Variants in SLC9A9 observed in about 807,000 individuals in gnomAD.
The protein encoded by SLC9A9 is solute carrier family 9 member A9, also known as sodium/hydrogen exchanger 9.
In SLC9A9, 62 loss-of-function variants were observed where a neutral mutation model predicts 77.8. That is an observed-to-expected ratio of 0.80 (90% confidence interval 0.65 to 0.98). SLC9A9 has a LOEUF of 0.98. Ranked by LOEUF, SLC9A9 falls within the 50% of genes least tolerant of loss-of-function variation. The probability of loss-of-function intolerance (pLI) is 0.00; values close to 1 mark genes in which losing one functional copy is unlikely to be tolerated. For synonymous variants in SLC9A9, 320 were observed against 283.5 expected, an observed-to-expected ratio of 1.13 and a Z score of -1.29; for missense variants, 775 against 774.9, an observed-to-expected ratio of 1.00 and a Z score of 0.00.
chr3:143,461,379 T>C (rs2108564529), intron 12 of SLC9A9, among the ~76,000 whole-genome samples: 1 of 152,310 alleles, frequency 6.6e-6, no homozygotes, highest in East Asian at 1.9e-4. Flanking sequence ...TTCATAAATA[T>C]AATTAATTAA....
chr3:143,390,653 G>A (rs374555695), intron 12 of SLC9A9, among the ~76,000 whole-genome samples: 2 of 152,220 alleles, frequency 1.3e-5, no homozygotes, highest in Admixed American at 6.5e-5. Context: ...AGGGCGAGGC[G>A]TCGCCTCACC....
intron 9 of SLC9A9, among the ~76,000 whole-genome samples, chr3:143,495,994 A>G (rs1417809742): frequency 6.6e-6 from 1 of 152,240 alleles, no homozygotes; most frequent in African/African-American, 2.4e-5. Context: ...AGTGATCGGT[A>G]TATTTCAAAT....
chr3:143,762,089 G>A (rs2007145576), intron 4 of SLC9A9, among the ~76,000 whole-genome samples: 1 of 152,086 alleles, frequency 6.6e-6, no homozygotes, highest in African/African-American at 2.4e-5. Context: ...ACTATTGCAA[G>A]GACAAAAAAC....
chr3:143,679,089 G>A (rs886087839), intron 5 of SLC9A9, among the ~76,000 whole-genome samples: 11 of 147,382 alleles, frequency 7.5e-5, no homozygotes, highest in African/African-American at 2.7e-4. Flanking sequence ...TCTGGCAATG[G>A]GCGGCTACAC....
At chr3:143,588,824 T>C (rs1339257523) in intron 6 of SLC9A9, among the ~76,000 whole-genome samples, 5 of 152,252 alleles carry the variant, frequency 3.3e-5, no homozygotes, top group Non-Finnish European at 7.3e-5. Flanking sequence ...ATCCCACTAC[T>C]GTGGGCCTAT....
intron 4 of SLC9A9, among the ~76,000 whole-genome samples, chr3:143,705,005 A>ATCTG (rs767636312): frequency 7.3e-6 from 1 of 137,292 alleles, no homozygotes; most frequent in Admixed American, 7.4e-5. Context: ...ATATCTATCT[A>ATCTG]TCTATCTATC....
intron 14 of SLC9A9, among the ~76,000 whole-genome samples, chr3:143,285,949 T>G (rs1011448655): frequency 6.6e-6 from 1 of 152,170 alleles, no homozygotes; most frequent in Non-Finnish European, 1.5e-5. Context: ...GCCGGGTGTT[T>G]TGAGCATTTT....
intron 12 of SLC9A9, among the ~76,000 whole-genome samples, chr3:143,414,450 G>A (rs1015306629): frequency 1.3e-5 from 2 of 152,274 alleles, no homozygotes; most frequent in East Asian, 1.9e-4. Context: ...AAATCTACTG[G>A]CACAATATTT....
intron 5 of SLC9A9, among the ~76,000 whole-genome samples, chr3:143,669,455 G>A (rs1397986817): frequency 2.0e-5 from 3 of 152,150 alleles, no homozygotes; most frequent in East Asian, 3.9e-4. Flanking sequence ...TGCTTCAAAC[G>A]GTTTTCAGTA....
chr3:143,378,823 A>G (rs9828435), intron 13 of SLC9A9, among the ~76,000 whole-genome samples: 61,576 of 151,974 alleles, frequency 0.41, 12,611 homozygotes, highest in Admixed American at 0.46. Context: ...AGAGTGTGAT[A>G]TCTGCATATG....
intron 12 of SLC9A9, among the ~76,000 whole-genome samples, chr3:143,395,184 C>T (rs1371761624): frequency 3.9e-5 from 6 of 152,176 alleles, no homozygotes; most frequent in Admixed American, 3.3e-4. Flanking sequence ...CATCATGCTA[C>T]ATGACTTCAA....
At chr3:143,538,740 T>C (rs1193436339) in intron 9 of SLC9A9, among the ~76,000 whole-genome samples, 1 of 152,122 alleles carries the variant, frequency 6.6e-6, no homozygotes, top group Admixed American at 6.5e-5. Context: ...GAGCAACATC[T>C]TCAGAAAGAG....
At chr3:143,362,081 G>A (rs1285032072) in intron 14 of SLC9A9, among the ~76,000 whole-genome samples, 2 of 152,094 alleles carry the variant, frequency 1.3e-5, no homozygotes, top group Admixed American at 6.6e-5. Flanking sequence ...GATCAACCAG[G>A]AGCAAAAACC....
chr3:143,712,723 C>T (rs892446502), intron 4 of SLC9A9, among the ~76,000 whole-genome samples: 12 of 152,166 alleles, frequency 7.9e-5, no homozygotes, highest in Non-Finnish European at 1.6e-4. Flanking sequence ...TAGCATTAGC[C>T]ATCTCCCTCA....
rs143198052 is a variant in SLC9A9 at position 143,828,564 on chromosome 3, AAC to A, written c.378+3453_378+3454del. On this transcript the variant is annotated intron_variant, in intron 2 of 15. Transcript: ENST00000316549. ...AAAGAAACAAGCACATACCTACCCC[AAC>A]ACACACACACACACACAGAGAGAGA... is the stretch of plus-strand genomic sequence containing the variant. Among the ~76,000 whole-genome samples, 40 of 150,112 alleles carry A rather than the reference AAC, an allele frequency of 2.7e-4. No individual in the cohort carries two copies. In the East Asian group the frequency reaches 4.1e-3, roughly 15 times the overall value.
At chr3:143,312,404 A>G (rs1323188418) in intron 14 of SLC9A9, among the ~76,000 whole-genome samples, 1 of 152,244 alleles carries the variant, frequency 6.6e-6, no homozygotes, top group African/African-American at 2.4e-5. Context: ...CTCAAACATT[A>G]ATCTTTGACT....
At chr3:143,831,839 C>A (rs751708059) in intron 2 of SLC9A9, among the ~76,000 whole-genome samples, 180 bp downstream of exon 2, 2 of 152,052 alleles carry the variant, frequency 1.3e-5, no homozygotes, top group African/African-American at 4.8e-5. Context: ...GGCAACTCAG[C>A]TTGTAATAAG....
chr3:143,490,894 GTTC>G (rs2035732885), intron 11 of SLC9A9, among the ~76,000 whole-genome samples: 1 of 151,978 alleles, frequency 6.6e-6, no homozygotes, highest in Admixed American at 6.6e-5. Flanking sequence ...AAAATCCAAT[GTTC>G]TTTCCACCAT....
At chr3:143,352,941 A>T (rs915123337) in intron 14 of SLC9A9, among the ~76,000 whole-genome samples, 2 of 152,162 alleles carry the variant, frequency 1.3e-5, no homozygotes, top group Admixed American at 6.5e-5. Flanking sequence ...AAAGTGCTGC[A>T]TTGGTTTCCT....
Sources: gnomAD v4.1 joint callset for allele counts (sites outside exome capture counted in the v4.1 genomes callset) on GRCh38, gnomAD v4.1.1 for gene constraint, MANE v1.5 for transcripts, NCBI Gene and HGNC (gene_info 2026-07-23, HGNC 2026-07-21) for gene names.